SOCS2: variants seen among roughly 807,000 people sequenced by gnomAD.
The protein encoded by SOCS2 is CIS-2.
A neutral mutation model predicts 18.6 loss-of-function variants in SOCS2; 10 were observed. The ratio of observed to expected loss-of-function variants is 0.54; its 90% CI spans 0.33 to 0.91. SOCS2 has a LOEUF of 0.91. Among genes scored for constraint, SOCS2 ranks in the 40% least tolerant of loss-of-function variants. The pLI, the probability that SOCS2 is intolerant of heterozygous loss-of-function variation, is 0.02. For synonymous variants in SOCS2, 104 were observed against 104.0 expected (o/e 1.00, Z 0.00); for missense variants, 231 against 247.2 (o/e 0.93, Z 0.44).
the SOCS2 span, among the ~76,000 whole-genome samples, chr12:93,601,925 T>TA: frequency 6.6e-6 from 1 of 152,184 alleles, no homozygotes. Context: ...ATAGCAAAAG[T>TA]AAAAATCTTT....
the SOCS2 span, among the ~76,000 whole-genome samples, chr12:93,602,960 G>T: frequency 4.6e-5 from 7 of 152,264 alleles, no homozygotes; most frequent in African/African-American, 1.7e-4. Flanking sequence ...GAGCGCTGCT[G>T]GGCCTGCTTT....
downstream of SOCS2, among the ~76,000 whole-genome samples, chr12:93,584,036 G>A (rs771649675): frequency 6.6e-6 from 1 of 152,178 alleles, no homozygotes; most frequent in Non-Finnish European, 1.5e-5. Context: ...AATTAGCTAA[G>A]CAGAAGAGGT....
the SOCS2 span, among the ~76,000 whole-genome samples, chr12:93,598,140 G>A: frequency 1.3e-5 from 2 of 152,294 alleles, no homozygotes; most frequent in African/African-American, 4.8e-5. Flanking sequence ...GGGATTGGCA[G>A]GGCACCGAGG....
At chr12:93,622,617 A>G in the SOCS2 span, among the ~76,000 whole-genome samples, 1 of 152,198 alleles carries the variant, frequency 6.6e-6, no homozygotes, top group South Asian at 2.1e-4. Flanking sequence ...TGAGCTCACA[A>G]TTGGCCAAGA....
the SOCS2 span, among the ~76,000 whole-genome samples, chr12:93,614,556 T>TTTCC: frequency 2.7e-5 from 1 of 37,392 alleles, no homozygotes; most frequent in Non-Finnish European, 4.6e-5. Flanking sequence ...TCTTTCTTTC[T>TTTCC]TTCTTTCTTT....
chr12:93,586,522 T>C (rs555655176), downstream of SOCS2, among the ~76,000 whole-genome samples: 1 of 152,338 alleles, frequency 6.6e-6, no homozygotes, highest in Admixed American at 6.5e-5. Flanking sequence ...GCAACCTCTT[T>C]CTAGGATGAG....
At chr12:93,616,704 A>ACGTGCT in the SOCS2 span, among the ~76,000 whole-genome samples, 2 of 152,190 alleles carry the variant, frequency 1.3e-5, no homozygotes, top group African/African-American at 4.8e-5. Context: ...GCATCCAGTG[A>ACGTGCT]CGTGCTCCGG....
the SOCS2 span, among the ~76,000 whole-genome samples, chr12:93,609,645 A>G: frequency 2.6e-5 from 4 of 152,158 alleles, no homozygotes; most frequent in Admixed American, 1.3e-4. Flanking sequence ...AATAGAGAGC[A>G]TCTATTCAAA....
At chr12:93,616,439 A>T in the SOCS2 span, among the ~76,000 whole-genome samples, 20 of 152,172 alleles carry the variant, frequency 1.3e-4, no homozygotes, top group African/African-American at 4.8e-4. Context: ...TCTCTGTAGG[A>T]GCTAATTAAT....
Position 93,574,758 on chromosome 12 carries a change from A to G in SOCS2, c.176A>G (p.Lys59Arg). The G allele has an allele frequency of 1.2e-6, 2 of 1,613,912 alleles. No individual in the cohort carries two copies. Among genetic ancestry groups the G allele is most frequent in the Non-Finnish European group, 1.7e-6 (2 of 1,179,920 alleles). The change falls in exon 2 of 2, where the codon AAA (lysine) becomes AGA (arginine). Residue 59 changes from lysine (K) to arginine (R), a missense_variant. Lys to Arg is a conservative substitution (Grantham distance 26, BLOSUM62 2). Transcript: ENST00000551556. ...YWGSMTVNEA[K>R]EKLKEAPEGT... is the part of the protein sequence containing the mutation. The stretch of plus-strand genomic sequence containing the variant: ...GGAAGTATGACTGTTAATGAAGCCA[A>G]AGAGAAATTAAAAGAGGCACCAGAA...
chr12:93,587,851 T>C (rs1954594264), downstream of SOCS2, among the ~76,000 whole-genome samples: 1 of 152,106 alleles, frequency 6.6e-6, no homozygotes, highest in African/African-American at 2.4e-5. Flanking sequence ...TAACCCTAAG[T>C]TGGTGGGCAG....
the SOCS2 span, among the ~76,000 whole-genome samples, chr12:93,622,514 G>A: frequency 6.6e-6 from 1 of 152,000 alleles, no homozygotes; most frequent in East Asian, 1.9e-4. Context: ...GCAGATACAC[G>A]ACCAGTGAAG....
chr12:93,580,618 CAAAAAAAAAAAAA>C (rs35305411), downstream of SOCS2, among the ~76,000 whole-genome samples: 2 of 73,156 alleles, frequency 2.7e-5, no homozygotes, highest in African/African-American at 4.9e-5. Flanking sequence ...GAGACTGTCT[CAAAAAAAAAAAAA>C]AAAAAAAAAG....
In SOCS2 at chr12:93,573,035, A is replaced by G. The variant is rs1431353916; in HGVS notation, c.138A>G (p.Thr46=). Residue 46 remains threonine (T), a splice_region_variant and synonymous_variant, in exon 1 of 2, where the codon ACA becomes ACG. Transcript: ENST00000551556. ...LAKALRELGQ[T]GWYWGSMTVN... is the part of the protein sequence containing the mutation. Reference sequence around the variant, plus strand: ...AGGCCCTGCGGGAGCTCGGTCAGACAGGTAGGGAGCCGATCGGCCGCGACG... The same window carrying G: ...AGGCCCTGCGGGAGCTCGGTCAGACGGGTAGGGAGCCGATCGGCCGCGACG... 1.9e-6 allele frequency: 3 copies of G among 1,564,176 alleles called. No homozygotes were observed. In the African/African-American group the frequency reaches 4.0e-5, roughly 21 times the overall value.
intron 1 of SOCS2, 145 bp downstream of exon 1, chr12:93,573,181 G>T: frequency 9.5e-7 from 1 of 1,052,274 alleles, no homozygotes. Context: ...ACGCTCGCAG[G>T]GTCCTGGGTC....
In SOCS2 at chr12:93,574,775, G is replaced by C. The variant is rs1954406368; in HGVS notation, c.193G>C (p.Ala65Pro). Reference protein sequence around the residue: ...VNEAKEKLKEAPEGTFLIRDS... With the variant: ...VNEAKEKLKEPPEGTFLIRDS... ...TGAAGCCAAAGAGAAATTAAAAGAG[G>C]CACCAGAAGGAACTTTCTTGATTAG... Residue 65 changes from alanine to proline, a missense_variant, in exon 2 of 2, where the codon GCA becomes CCA. By Grantham distance (27) the Ala-to-Pro change is conservative. Transcript: ENST00000551556. The C allele has an allele frequency of 6.2e-7, 1 of 1,614,060 alleles. No homozygotes were observed. The highest frequency in any genetic ancestry group is 8.5e-7 in the Non-Finnish European group (1 of 1,180,000).
the SOCS2 span, among the ~76,000 whole-genome samples, chr12:93,608,565 A>G: frequency 6.6e-6 from 1 of 151,868 alleles, no homozygotes; most frequent in Admixed American, 6.6e-5. Flanking sequence ...ATGATATTAC[A>G]TAGTTCATAT....
chr12:93,592,497 T>C, the SOCS2 span, among the ~76,000 whole-genome samples: 1 of 152,350 alleles, frequency 6.6e-6, no homozygotes, highest in East Asian at 1.9e-4. Context: ...ATATGTTGAG[T>C]ACATTCTTAG....
the SOCS2 span, among the ~76,000 whole-genome samples, chr12:93,611,515 G>A: frequency 6.6e-6 from 1 of 152,168 alleles, no homozygotes; most frequent in East Asian, 1.9e-4. Flanking sequence ...GGAATTATGT[G>A]CATGAGCCAC....
Sources: allele counts gnomAD v4.1 joint callset (sites outside exome capture counted in the v4.1 genomes callset), GRCh38; gene constraint gnomAD v4.1.1; transcripts MANE v1.5; gene names NCBI Gene and HGNC (gene_info 2026-07-23, HGNC 2026-07-21).